The following NAT10 variants were observed in gnomAD, a reference collection of about 807,000 sequenced individuals.
NAT10 encodes RNA cytidine acetyltransferase.
NAT10 carries 109 observed loss-of-function variants against 132.2 expected under a neutral mutation model. The ratio of observed to expected loss-of-function variants is 0.82; its 90% confidence interval spans 0.71 to 0.97. The LOEUF (loss-of-function observed/expected upper bound fraction) is 0.97, where lower values mean the gene tolerates loss of function less well. NAT10 is among the 50% of genes least tolerant of loss of function. NAT10 has a pLI of 0.00. For missense variants in NAT10, 1,184 were observed against 1,263.4 expected (o/e 0.94, Z 0.95); for synonymous variants, 479 against 478.0 (o/e 1.00, Z -0.03).
chr11:34,131,905 C>G (rs1852112942), intron 14 of NAT10, among the ~76,000 whole-genome samples: 1 of 151,982 alleles, frequency 6.6e-6, no homozygotes, highest in Non-Finnish European at 1.5e-5. Context: ...AGGCTGGTCT[C>G]AAACTCCTGA....
rs1040893634 is a variant in NAT10 at position 34,142,431 on chromosome 11, C to T, written c.2885+83C>T. ...CTACACGTTTCTTCTAATCATATCC[C>T]ACGTGCCCTGGAAAGTGTCTTTCAT... is the stretch of plus-strand genomic sequence containing the variant. On this transcript the variant is annotated intron_variant, in intron 27 of 28. Transcript: ENST00000257829. 6 of 1,210,840 alleles carry T rather than the reference C, an allele frequency of 5.0e-6. No homozygotes were observed. The African/African-American group carries it at 9.0e-5, about 18-fold the overall frequency. 75.0% of individuals were successfully genotyped at this position (1,210,840 alleles called of 1,614,324 possible). A position where few individuals can be genotyped will look rare whatever the true frequency, so the allele number is the denominator to read the frequency against.
intron 26 of NAT10, 61 bp from the exon 27 acceptor site, chr11:34,142,214 T>C: frequency 6.6e-7 from 1 of 1,513,712 alleles, no homozygotes; most frequent in Non-Finnish European, 9.2e-7. Flanking sequence ...GCTTCACCTT[T>C]TCCTGTGTTT....
chr11:34,111,504 A>G (rs1246398160), intron 3 of NAT10, among the ~76,000 whole-genome samples: 1 of 152,248 alleles, frequency 6.6e-6, no homozygotes, highest in Non-Finnish European at 1.5e-5. Context: ...AAATTCAGGA[A>G]TTCCTTAGAG....
intron 9 of NAT10, 94 bp from the exon 10 acceptor site, chr11:34,123,668 G>T: frequency 6.4e-6 from 6 of 943,094 alleles, no homozygotes; most frequent in Non-Finnish European, 4.8e-6. Flanking sequence ...TATCACCTTT[G>T]GGACAGGAGC....
At chr11:34,134,289 T>C (rs1299821385) in intron 16 of NAT10, 30 bp from the exon 17 acceptor site, 2 of 1,596,130 alleles carry the variant, frequency 1.3e-6, no homozygotes, top group Non-Finnish European at 1.7e-6. Context: ...AGTTGGCCTT[T>C]CTGCCTGCAC....
chr11:34,146,306 G>C lies in NAT10; in HGVS notation c.*114G>C, dbSNP rs1565122344. On this transcript the variant is annotated 3_prime_UTR_variant, in exon 29 of 29. Coordinates refer to ENST00000257829, the MANE Select transcript of NAT10 (RefSeq NM_024662.3). ...GAGGCCCCGGCACACCTGGAAGCTG[G>C]CCGCGAATTCGGCCTCTGGGCCTGT... 4 of 771,572 alleles carry C rather than the reference G, an allele frequency of 5.2e-6. No homozygotes were observed. Among genetic ancestry groups the C allele is most frequent in the Non-Finnish European group, 6.1e-6 (3 of 490,820 alleles). 47.8% of individuals were successfully genotyped at this position (771,572 alleles called of 1,614,324 possible). A position where few individuals can be genotyped will look rare whatever the true frequency, so the allele number is the denominator to read the frequency against.
At chr11:34,138,323 T>C (rs1264608783) in intron 21 of NAT10, among the ~76,000 whole-genome samples, 2 of 152,166 alleles carry the variant, frequency 1.3e-5, no homozygotes, top group African/African-American at 4.8e-5. Flanking sequence ...CATTGTCTTC[T>C]GAGTGCTTCT....
intron 25 of NAT10, 33 bp from the exon 26 acceptor site, chr11:34,141,686 A>G: frequency 6.2e-7 from 1 of 1,604,112 alleles, no homozygotes; most frequent in Admixed American, 1.7e-5. Flanking sequence ...CTGCTCCTTC[A>G]TCTTCTGCTT....
At chr11:34,113,953 C>A in intron 5 of NAT10, 115 bp downstream of exon 5, 2 of 1,269,218 alleles carry the variant, frequency 1.6e-6, no homozygotes, top group Non-Finnish European at 1.1e-6. Context: ...TCAGCACAGC[C>A]TCTGGGCTAA....
intron 20 of NAT10, 90 bp from the exon 21 acceptor site, chr11:34,136,888 G>T: frequency 1.2e-6 from 2 of 1,609,758 alleles, no homozygotes; most frequent in Non-Finnish European, 1.7e-6. Flanking sequence ...GCTATTTGTG[G>T]CGTGCTCTTC....
chr11:34,114,180 A>G, intron 5 of NAT10, among the ~76,000 whole-genome samples: 1 of 152,210 alleles, frequency 6.6e-6, no homozygotes, highest in East Asian at 1.9e-4. Context: ...TATTGCAAAA[A>G]AAGGACCATG....
In NAT10 at chr11:34,139,430, C is replaced by T; in HGVS notation, c.2354C>T (p.Thr785Ile). Residue 785 changes from threonine (T) to isoleucine (I), a missense_variant, in exon 23 of 29, where the codon ACC (threonine) becomes ATC (isoleucine). Physicochemically the swap from Thr to Ile is moderately conservative, Grantham distance 89. Transcript: ENST00000257829. ...GCCTTGCTCTCCTACCAGTTCAGTA[C>T]CTTCTCTCCTTCCCTGGCTCTGAAC... ...FLALLSYQFS[T>I]FSPSLALNII... The T allele has an allele frequency of 1.2e-6, 2 of 1,614,154 alleles. No homozygotes were observed. The highest frequency in any genetic ancestry group is 8.5e-7 in the Non-Finnish European group (1 of 1,180,022).
At chr11:34,141,450 ACG>A (rs1274749845) in intron 25 of NAT10, among the ~76,000 whole-genome samples, 50 of 138,624 alleles carry the variant, frequency 3.6e-4, no homozygotes, top group Admixed American at 8.6e-4. Flanking sequence ...ACACACACAC[ACG>A]TGCGCGCGCA....
chr11:34,124,426 G>A (rs1851950695), intron 11 of NAT10, 26 bp downstream of exon 11: 11 of 1,525,192 alleles, frequency 7.2e-6, no homozygotes, highest in Non-Finnish European at 1.0e-5. Context: ...AGACCCTGAT[G>A]TGCAGGGCCA....
chr11:34,141,341 A>C, intron 25 of NAT10, 133 bp downstream of exon 25: 1 of 1,308,232 alleles, frequency 7.6e-7, no homozygotes. Context: ...ACACACACAC[A>C]CACACAAATC....
intron 8 of NAT10, among the ~76,000 whole-genome samples, chr11:34,121,891 G>A (rs564081301): frequency 2.1e-5 from 3 of 145,288 alleles, no homozygotes; most frequent in Admixed American, 7.0e-5. Context: ...AAGGTCTGGT[G>A]TGGACCAGGT....
intron 12 of NAT10, among the ~76,000 whole-genome samples, chr11:34,128,139 A>G (rs1052047967): frequency 6.6e-6 from 1 of 152,142 alleles, no homozygotes; most frequent in African/African-American, 2.4e-5. Flanking sequence ...GCGGATCACA[A>G]GGTCAGGAGT....
rs772547003 is a variant in NAT10 at position 34,130,851 on chromosome 11, T to G, written c.1283T>G (p.Ile428Ser). ...GTGRSLSLKL[I>S]QQLRQQSAQS... The stretch of plus-strand genomic sequence containing the variant: ...GGCCGGTCACTGTCCCTCAAGCTAA[T>G]TCAGCAGCTCCGTCAACAGAGCGCC... Residue 428 changes from isoleucine (I) to serine (S), a missense_variant, in exon 13 of 29, where the codon ATT becomes AGT. Coordinates refer to ENST00000257829, the MANE Select transcript of NAT10 (RefSeq NM_024662.3). The G allele has an allele frequency of 1.4e-5, 22 of 1,614,016 alleles. No individual in the cohort carries two copies. The highest frequency in any genetic ancestry group is 1.8e-5 in the Non-Finnish European group (21 of 1,180,000).
At chr11:34,145,366 T>A (rs748195623) in intron 28 of NAT10, among the ~76,000 whole-genome samples, 2 of 152,248 alleles carry the variant, frequency 1.3e-5, no homozygotes, top group Non-Finnish European at 2.9e-5. Flanking sequence ...TTTCTTTTTC[T>A]TCCTTTGAGA....
Sources: allele counts gnomAD v4.1 joint callset (sites outside exome capture counted in the v4.1 genomes callset), GRCh38; gene constraint gnomAD v4.1.1; transcripts MANE v1.5; gene names NCBI Gene and HGNC (gene_info 2026-07-23, HGNC 2026-07-21).